RETREG1: variants seen among roughly 807,000 people sequenced by gnomAD.
The protein encoded by RETREG1 is family with sequence similarity 134 member B.
Under a neutral mutation model 54.8 loss-of-function variants are expected in RETREG1, and 44 were observed. The observed-to-expected ratio is 0.80, with a 90% CI of 0.63 to 1.03. The LOEUF (loss-of-function observed/expected upper bound fraction) is 1.03, where lower values mean the gene tolerates loss of function less well. RETREG1 is among the 50% of genes least tolerant of loss of function. RETREG1 has a pLI of 0.00. For synonymous variants in RETREG1, 217 were observed against 238.5 expected (o/e 0.91, Z 0.83); for missense variants, 554 against 605.1 (o/e 0.92, Z 0.89).
At chr5:16,554,042 G>A (rs1741620396) in intron 3 of RETREG1, among the ~76,000 whole-genome samples, 1 of 152,210 alleles carries the variant, frequency 6.6e-6, no homozygotes, top group African/African-American at 2.4e-5. Context: ...TTACACCTAA[G>A]TCACCAGAAT....
At chr5:16,492,896 C>A (rs1403795473) in intron 3 of RETREG1, among the ~76,000 whole-genome samples, 1 of 152,114 alleles carries the variant, frequency 6.6e-6, no homozygotes, top group East Asian at 1.9e-4. Context: ...AGAGTAAACA[C>A]AAGATTAAGA....
intron 3 of RETREG1, among the ~76,000 whole-genome samples, chr5:16,546,724 T>A (rs1741398281): frequency 6.6e-6 from 1 of 152,190 alleles, no homozygotes; most frequent in Non-Finnish European, 1.5e-5. Flanking sequence ...CCCTCCTACC[T>A]TTTTTCCTGC....
chr5:16,581,111 C>T (rs980911157), intron 1 of RETREG1, among the ~76,000 whole-genome samples: 3 of 152,130 alleles, frequency 2.0e-5, no homozygotes, highest in Admixed American at 6.5e-5. Context: ...ATGCAACTGA[C>T]CACTGCCCTG....
rs927154849 is a variant in RETREG1 at position 16,569,613 on chromosome 5, T to C, written c.427+2383A>G. ...CTTTTATTGACCTCTTATAAAGCCC[T>C]GTGGTATGAGGATGTTTTCTGCCAT... On this transcript the variant is annotated intron_variant, in intron 2 of 8. Transcript: ENST00000306320. Among the ~76,000 whole-genome samples the C allele has an allele frequency of 2.6e-5, 4 of 152,320 alleles. No individual in the cohort carries two copies. The South Asian group carries it at 8.3e-4, about 32-fold the overall frequency.
At position 16,477,709 on chromosome 5, in the gene RETREG1, G is replaced by C. The variant is rs368457852; in HGVS notation, c.953C>G (p.Thr318Ser). Residue 318 changes from threonine (T) to serine (S), a missense_variant, in exon 8 of 9, where the codon ACC becomes AGC. By Grantham distance (58) the Thr-to-Ser change is moderately conservative. This residue lies in a region of RETREG1 where 347 missense variants were observed against 412.3 expected (regional missense o/e 0.84). Transcript: ENST00000306320. ...AGTGTATCCTTCTGAAAGGTTGAAG[G>C]TCCCATTATCAGTCCAGGATACCTC... ...VSEVSWTDNG[T>S]FNLSEGYTPQ... 3 of 1,613,006 alleles carry C rather than the reference G, an allele frequency of 1.9e-6. No homozygotes were observed. Among genetic ancestry groups the C allele is most frequent in the Admixed American group, 3.3e-5 (2 of 59,888 alleles).
At chr5:16,616,032 A>G (rs1743495748) in intron 1 of RETREG1, 1 of 152,192 alleles carries the variant, frequency 6.6e-6, no homozygotes, top group South Asian at 2.1e-4. Context: ...TTCTCCCTGT[A>G]CTTCACCTAA....
rs1738455759 is a variant in RETREG1 at position 16,474,846 on chromosome 5, C to T, written c.1389G>A (p.Leu463=). The T allele has an allele frequency of 6.2e-7, 1 of 1,613,794 alleles. No homozygotes were observed. Among genetic ancestry groups the T allele is most frequent in the Admixed American group, 1.7e-5 (1 of 59,922 alleles). ...GTCCCAATTCACTCTCAATTTGATC[C>T]AGCTCTGACTGGTCAAGTAGTTCAA... The part of the protein sequence containing the change: ...DDFELLDQSE[L]DQIESELGLT... The change falls in exon 9 of 9, where the codon CTG becomes CTA. Residue 463 remains leucine (L), a synonymous_variant. Coordinates refer to ENST00000306320, the MANE Select transcript of RETREG1 (RefSeq NM_001034850.3).
chr5:16,520,225 G>T (rs1039523658), intron 3 of RETREG1, among the ~76,000 whole-genome samples: 46 of 152,280 alleles, frequency 3.0e-4, no homozygotes, highest in African/African-American at 1.1e-3. Flanking sequence ...CTGCAAGGGT[G>T]GTGTCCTGCC....
chr5:16,509,966 C>T (rs1324699845), intron 3 of RETREG1, among the ~76,000 whole-genome samples: 1 of 151,976 alleles, frequency 6.6e-6, no homozygotes, highest in Non-Finnish European at 1.5e-5. Flanking sequence ...TGCACTCCAG[C>T]CTGGGTGACA....
chr5:16,523,677 G>A (rs1740608370), intron 3 of RETREG1, among the ~76,000 whole-genome samples: 1 of 152,128 alleles, frequency 6.6e-6, no homozygotes. Flanking sequence ...CTCAAAGAGG[G>A]AGGGAGTGTG....
Position 16,508,519 on chromosome 5 carries a change from A to C in RETREG1, c.459-25047T>G, listed in dbSNP as rs1003334254. ...TAAATTAGTCATAATATTTTTAAAA[A>C]GATAACTAGCCAGTGAAACAGACTG... On this transcript the variant is annotated intron_variant, in intron 3 of 8. Coordinates refer to ENST00000306320, the MANE Select transcript of RETREG1 (RefSeq NM_001034850.3). 21 of 1,480,064 alleles carry C rather than the reference A, an allele frequency of 1.4e-5. No individual in the cohort carries two copies. The Admixed American group carries it at 1.5e-4, about 11-fold the overall frequency. 91.7% of individuals were successfully genotyped at this position (1,480,064 alleles called of 1,614,324 possible).
chr5:16,555,131 A>T (rs1741669974), intron 3 of RETREG1, among the ~76,000 whole-genome samples: 1 of 152,150 alleles, frequency 6.6e-6, no homozygotes, highest in Non-Finnish European at 1.5e-5. Flanking sequence ...AAACTCTACA[A>T]GGACAGGGTT....
intron 3 of RETREG1, among the ~76,000 whole-genome samples, chr5:16,527,425 G>A (rs1317502445): frequency 2.6e-5 from 4 of 152,220 alleles, no homozygotes; most frequent in Non-Finnish European, 5.9e-5. Context: ...ATGTAGCCAT[G>A]TGTTTGTGAT....
At chr5:16,521,439 G>A (rs1163197640) in intron 3 of RETREG1, among the ~76,000 whole-genome samples, 2 of 152,158 alleles carry the variant, frequency 1.3e-5, no homozygotes, top group East Asian at 1.9e-4. Context: ...AAGGTGATAC[G>A]GCTTGTGCAT....
At chr5:16,485,280 C>G (rs1249414580) in intron 3 of RETREG1, among the ~76,000 whole-genome samples, 7 of 152,088 alleles carry the variant, frequency 4.6e-5, no homozygotes, top group Admixed American at 2.0e-4. Context: ...TTTAAGGATG[C>G]ATTTGAACTG....
At chr5:16,548,806 C>CTG (rs1310171513) in intron 3 of RETREG1, among the ~76,000 whole-genome samples, 4 of 152,240 alleles carry the variant, frequency 2.6e-5, no homozygotes, top group Admixed American at 1.3e-4. Flanking sequence ...ATCAATCAGA[C>CTG]ACCAGGGTGG....
intron 3 of RETREG1, among the ~76,000 whole-genome samples, chr5:16,555,088 A>G (rs1490154110): frequency 6.7e-6 from 1 of 149,504 alleles, no homozygotes; most frequent in African/African-American, 2.5e-5. Context: ...ATCATATTGC[A>G]GTAATTATTT....
chr5:16,515,353 T>C (rs1189474086), intron 3 of RETREG1, among the ~76,000 whole-genome samples: 2 of 152,226 alleles, frequency 1.3e-5, no homozygotes, highest in Non-Finnish European at 2.9e-5. Flanking sequence ...AGAAACATAA[T>C]AAATACTTTA....
At chr5:16,579,978 A>AT (rs1742439380) in intron 1 of RETREG1, among the ~76,000 whole-genome samples, 1 of 152,262 alleles carries the variant, frequency 6.6e-6, no homozygotes, top group African/African-American at 2.4e-5. Flanking sequence ...TTTTAAAAAA[A>AT]TTTTAACAGT....
Sources: gnomAD v4.1 joint callset for allele counts (sites outside exome capture counted in the v4.1 genomes callset) on GRCh38, gnomAD v4.1.1 for gene constraint, gnomAD v4.1.1 regional missense constraint, MANE v1.5 for transcripts, NCBI Gene and HGNC (gene_info 2026-07-23, HGNC 2026-07-21) for gene names.